The following GRIP1 variants were observed in gnomAD, a reference collection of about 807,000 sequenced individuals.
GRIP1 encodes glutamate receptor interacting protein 1, also known as glutamate receptor-interacting protein 1.
In GRIP1, 45 loss-of-function variants were observed where a neutral mutation model predicts 129.9. The ratio of observed to expected loss-of-function variants is 0.35; its 90% CI spans 0.27 to 0.44. The LOEUF (loss-of-function observed/expected upper bound fraction) is 0.44. Among genes scored for constraint, GRIP1 ranks in the 20% least tolerant of loss-of-function variants. GRIP1 has a pLI of 1.00. For missense variants in GRIP1, 1,196 were observed against 1,396.8 expected, an observed-to-expected ratio of 0.86 and a Z score of 2.29; for synonymous variants, 530 against 520.8, an observed-to-expected ratio of 1.02 and a Z score of -0.24.
chr12:66,390,651 A>G (rs188048941), intron 19 of GRIP1, among the ~76,000 whole-genome samples: 1 of 152,228 alleles, frequency 6.6e-6, no homozygotes, highest in African/African-American at 2.4e-5. Flanking sequence ...ATTAATATCA[A>G]TAGCACCCTC....
intron 22 of GRIP1, among the ~76,000 whole-genome samples, chr12:66,375,638 A>G (rs2055748988): frequency 6.6e-6 from 1 of 152,208 alleles, no homozygotes; most frequent in Non-Finnish European, 1.5e-5. Flanking sequence ...TGCTTTCTGC[A>G]TTAATAATGT....
At chr12:67,042,926 C>G (rs1165505148) in intron 1 of GRIP1, among the ~76,000 whole-genome samples, 1 of 152,188 alleles carries the variant, frequency 6.6e-6, no homozygotes, top group Non-Finnish European at 1.5e-5. Context: ...ACTGAGTAAG[C>G]AGAGAAGAGC....
At chr12:66,669,472 T>G (rs2033968288) in intron 1 of GRIP1, among the ~76,000 whole-genome samples, 1 of 152,218 alleles carries the variant, frequency 6.6e-6, no homozygotes, top group Non-Finnish European at 1.5e-5. Context: ...CCAAATACTT[T>G]GTACTTGCCA....
At chr12:66,928,711 T>A (rs1372571139) in intron 1 of GRIP1, among the ~76,000 whole-genome samples, 2 of 152,216 alleles carry the variant, frequency 1.3e-5, no homozygotes, top group East Asian at 3.8e-4. Context: ...TGAAGTAGCT[T>A]GTCAAAAGCA....
chr12:66,474,889 G>A (rs557950917), intron 7 of GRIP1, among the ~76,000 whole-genome samples: 1 of 152,254 alleles, frequency 6.6e-6, no homozygotes, highest in African/African-American at 2.4e-5. Flanking sequence ...AAATTGTAAA[G>A]ACTATCGATG....
chr12:66,650,174 G>A (rs2032689280), intron 1 of GRIP1, among the ~76,000 whole-genome samples: 1 of 152,132 alleles, frequency 6.6e-6, no homozygotes, highest in African/African-American at 2.4e-5. Flanking sequence ...CACTCCACCT[G>A]TGCAGTTCTC....
At chr12:67,000,857 T>C (rs1228627196) in intron 1 of GRIP1, among the ~76,000 whole-genome samples, 3 of 152,330 alleles carry the variant, frequency 2.0e-5, no homozygotes, top group Non-Finnish European at 4.4e-5. Flanking sequence ...CAGGTTCAAT[T>C]TGAATGTTAG....
intron 4 of GRIP1, among the ~76,000 whole-genome samples, chr12:66,536,076 C>G (rs1001202805): frequency 1.3e-5 from 2 of 152,172 alleles, no homozygotes; most frequent in Non-Finnish European, 2.9e-5. Context: ...AACTTTGACT[C>G]CTCTTTTTCT....
At chr12:66,728,563 C>T (rs924389053) in intron 1 of GRIP1, among the ~76,000 whole-genome samples, 1 of 152,110 alleles carries the variant, frequency 6.6e-6, no homozygotes, top group Non-Finnish European at 1.5e-5. Context: ...TAGTTTATGC[C>T]TTTATTGGCC....
intron 2 of GRIP1, among the ~76,000 whole-genome samples, chr12:66,583,765 C>T (rs2063500672): frequency 7.3e-6 from 1 of 136,798 alleles, no homozygotes. Flanking sequence ...ACAACAGGTG[C>T]TGGAGAGGAT....
At chr12:66,654,851 T>C (rs530061273) in intron 1 of GRIP1, among the ~76,000 whole-genome samples, 1 of 152,200 alleles carries the variant, frequency 6.6e-6, no homozygotes, top group South Asian at 2.1e-4. Flanking sequence ...AGAGGGAAAA[T>C]TTAAATATTG....
intron 1 of GRIP1, among the ~76,000 whole-genome samples, chr12:66,746,384 T>C (rs2036946193): frequency 6.6e-6 from 1 of 152,202 alleles, no homozygotes; most frequent in South Asian, 2.1e-4. Context: ...TGGAAGTTTG[T>C]TAGAAATGCA....
At chr12:66,802,807 T>C (rs1380399125) in intron 1 of GRIP1, among the ~76,000 whole-genome samples, 4 of 152,202 alleles carry the variant, frequency 2.6e-5, no homozygotes, top group African/African-American at 9.7e-5. Context: ...TAAATTTTAG[T>C]TAAATTCTAG....
chr12:66,889,454 T>C (rs10878517), intron 1 of GRIP1, among the ~76,000 whole-genome samples: 13,243 of 152,136 alleles, frequency 0.087, 906 homozygotes, highest in East Asian at 0.27. Flanking sequence ...AGAGTGAAAC[T>C]CTGTCTCAAA....
chr12:66,998,883 C>A (rs921495751), intron 1 of GRIP1, among the ~76,000 whole-genome samples: 1 of 152,126 alleles, frequency 6.6e-6, no homozygotes, highest in African/African-American at 2.4e-5. Flanking sequence ...AAAACATGCT[C>A]CAATGCCTTC....
chr12:66,938,620 C>T (rs879684415), intron 1 of GRIP1, among the ~76,000 whole-genome samples: 3 of 152,002 alleles, frequency 2.0e-5, no homozygotes, highest in Non-Finnish European at 2.9e-5. Flanking sequence ...GAAGGCAGGG[C>T]CTCCACTAGA....
At chr12:66,594,471 T>C (rs2063969283) in intron 2 of GRIP1, among the ~76,000 whole-genome samples, 3 of 130,878 alleles carry the variant, frequency 2.3e-5, no homozygotes, top group African/African-American at 5.1e-5. Context: ...GATTTTTTTG[T>C]GATTCTTTTT....
intron 4 of GRIP1, among the ~76,000 whole-genome samples, chr12:66,533,885 A>T (rs866428933): frequency 0.076 from 9,859 of 129,156 alleles, 691 homozygotes; most frequent in African/African-American, 0.2. Flanking sequence ...ACACATACAC[A>T]CACTCTCTCT....
At chr12:66,846,403 C>G (rs1346803687) in intron 1 of GRIP1, among the ~76,000 whole-genome samples, 4 of 152,174 alleles carry the variant, frequency 2.6e-5, no homozygotes, top group Non-Finnish European at 5.9e-5. Context: ...CCCCACATTT[C>G]TCTTATCCCC....
Sources: gnomAD v4.1 joint callset for allele counts (sites outside exome capture counted in the v4.1 genomes callset) on GRCh38, gnomAD v4.1.1 for gene constraint, MANE v1.5 for transcripts, NCBI Gene and HGNC (gene_info 2026-07-23, HGNC 2026-07-21) for gene names.